BAG3: variants seen among roughly 807,000 people sequenced by gnomAD.
The protein encoded by BAG3 is BAG family molecular chaperone regulator 3.
In BAG3, 14 loss-of-function variants were observed where a neutral mutation model predicts 40.5. The observed-to-expected ratio is 0.35, with a 90% CI of 0.23 to 0.54. The LOEUF is 0.54. Ranked by LOEUF, BAG3 falls within the 20% of genes least tolerant of loss-of-function variation. The pLI is 0.91. For missense variants in BAG3, 788 were observed against 758.6 expected, an observed-to-expected ratio of 1.04 and a Z score of -0.46; for synonymous variants, 302 against 307.8, an observed-to-expected ratio of 0.98 and a Z score of 0.20.
intron 1 of BAG3, among the ~76,000 whole-genome samples, chr10:119,666,575 A>C (rs1231029897): frequency 6.6e-6 from 1 of 152,040 alleles, no homozygotes; most frequent in Non-Finnish European, 1.5e-5. Flanking sequence ...CGAGGTGCTC[A>C]GCGAGATGCA....
chr10:119,659,186 G>A (rs578101875), intron 1 of BAG3, among the ~76,000 whole-genome samples: 1 of 152,246 alleles, frequency 6.6e-6, no homozygotes, highest in Non-Finnish European at 1.5e-5. Context: ...CCTTGACCCA[G>A]CTGCCAGACC....
At chr10:119,674,468 G>C (rs1446699771) in intron 3 of BAG3, among the ~76,000 whole-genome samples, 1 of 152,150 alleles carries the variant, frequency 6.6e-6, no homozygotes, top group African/African-American at 2.4e-5. Flanking sequence ...AACCGTGTTT[G>C]TGGTGACCTC....
intron 1 of BAG3, among the ~76,000 whole-genome samples, chr10:119,664,870 A>G (rs1303696373): frequency 1.3e-5 from 2 of 152,156 alleles, no homozygotes; most frequent in South Asian, 2.1e-4. Context: ...TGAAAACACC[A>G]TAGAAGAGAG....
chr10:119,664,692 C>T (rs1847035065), intron 1 of BAG3, among the ~76,000 whole-genome samples: 1 of 152,174 alleles, frequency 6.6e-6, no homozygotes, highest in African/African-American at 2.4e-5. Flanking sequence ...TAAGCCTTAT[C>T]TGAGAGATGC....
In BAG3 at chr10:119,672,779, C is replaced by A; in HGVS notation, c.909+123C>A. Reference sequence around the variant, plus strand: ...TATTTAACATGCGTGTACCTACAGGCAAGTGAGATTCGAGAAATTGCTAGG... The same window carrying A: ...TATTTAACATGCGTGTACCTACAGGAAAGTGAGATTCGAGAAATTGCTAGG... On this transcript the variant is annotated intron_variant, in intron 3 of 3. Transcript: ENST00000369085. The surrounding 1 kb of genome is among the most constrained non-coding windows in gnomAD (Gnocchi z 4.8). The A allele has an allele frequency of 7.2e-7, 1 of 1,394,410 alleles. No homozygotes were observed. Among genetic ancestry groups the A allele is most frequent in the Non-Finnish European group, 9.9e-7 (1 of 1,009,828 alleles). The allele number at this position is 1,394,410 out of a possible 1,614,324, so 86.4% of individuals were successfully genotyped here.
chr10:119,676,988 G>A lies in BAG3; in HGVS notation c.1434G>A (p.Gln478=). 1 of 1,614,210 alleles carries A rather than the reference G, an allele frequency of 6.2e-7. No homozygotes were observed. The highest frequency in any genetic ancestry group is 8.5e-7 in the Non-Finnish European group (1 of 1,180,040). The change falls in exon 4 of 4, where the codon CAG becomes CAA. Residue 478 remains glutamine, a synonymous_variant. Transcript: ENST00000369085. The part of the protein sequence containing the change: ...VDPEGRADVR[Q]ARRDGVRKVQ... The stretch of plus-strand genomic sequence containing the variant: ...CCGAGGGACGAGCCGATGTGCGTCA[G>A]GCCAGGAGAGACGGTGTCAGGAAGG...
At chr10:119,667,990 G>A (rs1847089725) in intron 1 of BAG3, among the ~76,000 whole-genome samples, 1 of 152,248 alleles carries the variant, frequency 6.6e-6, no homozygotes, top group Non-Finnish European at 1.5e-5. Flanking sequence ...CTGGCTCCCT[G>A]TCAGGGCCAT....
At chr10:119,665,389 C>T (rs1479878291) in intron 1 of BAG3, among the ~76,000 whole-genome samples, 1 of 151,936 alleles carries the variant, frequency 6.6e-6, no homozygotes. Context: ...ATCCACCCAC[C>T]TCAGCCTGCC....
chr10:119,658,409 G>A (rs141956722), intron 1 of BAG3, among the ~76,000 whole-genome samples: 6 of 152,324 alleles, frequency 3.9e-5, no homozygotes, highest in African/African-American at 1.2e-4. Flanking sequence ...GGGCTGTGGT[G>A]ACTCAGAATT....
At chr10:119,666,489 C>T (rs1282473399) in intron 1 of BAG3, among the ~76,000 whole-genome samples, 1 of 152,006 alleles carries the variant, frequency 6.6e-6, no homozygotes, top group Non-Finnish European at 1.5e-5. Context: ...AGTTGTTTTT[C>T]CTTCCTCCCT....
intron 2 of BAG3, among the ~76,000 whole-genome samples, chr10:119,670,454 C>T (rs914655829): frequency 3.2e-4 from 49 of 152,260 alleles, no homozygotes; most frequent in Admixed American, 3.0e-3. Flanking sequence ...CACACTGCAG[C>T]CTGCCTGCTC....
chr10:119,669,412 G>T lies in BAG3; in HGVS notation c.181-439G>T, dbSNP rs139607272. On this transcript the variant is annotated intron_variant, in intron 1 of 3. Coordinates refer to ENST00000369085, the MANE Select transcript of BAG3 (RefSeq NM_004281.4). ...TTGGGCCCAGTACAAGCTCTATATT[G>T]CTGGGAAATGTGAGGGCCTTTTTGG... is the stretch of plus-strand genomic sequence containing the variant. Among the ~76,000 whole-genome samples, 719 of 152,202 alleles carry T rather than the reference G, an allele frequency of 4.7e-3. 8 individuals carry two copies. Among genetic ancestry groups the T allele is most frequent in the African/African-American group, 0.016 (676 of 41,530 alleles).
At chr10:119,661,727 T>G (rs538749816) in intron 1 of BAG3, among the ~76,000 whole-genome samples, 2 of 152,264 alleles carry the variant, frequency 1.3e-5, no homozygotes, top group Admixed American at 6.5e-5. Flanking sequence ...CACACACCTC[T>G]TGTCTTACCA....
intron 1 of BAG3, among the ~76,000 whole-genome samples, chr10:119,653,392 T>C (rs1021753473): frequency 7.2e-5 from 11 of 152,192 alleles, no homozygotes; most frequent in African/African-American, 2.7e-4. Flanking sequence ...TGAAGCCTTC[T>C]TCCTGTAGAC....
At chr10:119,670,219 C>T (rs767868085) in intron 2 of BAG3, 42 bp downstream of exon 2, 21 of 1,574,428 alleles carry the variant, frequency 1.3e-5, no homozygotes, top group East Asian at 1.1e-4. Flanking sequence ...GGGAGCAAGC[C>T]GCTGTGCTTC....
intron 1 of BAG3, among the ~76,000 whole-genome samples, chr10:119,665,571 G>A (rs534509930): frequency 1.8e-4 from 27 of 152,118 alleles, no homozygotes; most frequent in African/African-American, 6.5e-4. Flanking sequence ...GAGCCACCAC[G>A]CCTGGCCCAG....
chr10:119,676,428 A>C (rs1340546618), intron 3 of BAG3, 36 bp from the exon 4 acceptor site: 2 of 1,603,844 alleles, frequency 1.2e-6, no homozygotes, highest in East Asian at 2.2e-5. Flanking sequence ...ACTTTCAGTC[A>C]GTTATTAAAA....
intron 1 of BAG3, among the ~76,000 whole-genome samples, chr10:119,662,970 G>A (rs2577339): frequency 0.35 from 52,811 of 152,024 alleles, 9,359 homozygotes; most frequent in Middle Eastern, 0.41. Flanking sequence ...AGCCGAGATC[G>A]CGCCACTGCA....
intron 1 of BAG3, among the ~76,000 whole-genome samples, chr10:119,660,920 C>T (rs767437865): frequency 2.0e-5 from 3 of 151,672 alleles, no homozygotes; most frequent in Admixed American, 2.0e-4. Flanking sequence ...ATGGTGAAAC[C>T]CCATCTTTAC....
Sources: gnomAD v4.1 joint callset for allele counts (sites outside exome capture counted in the v4.1 genomes callset) on GRCh38, gnomAD v4.1.1 for gene constraint, Gnocchi (gnomAD v3.1) non-coding constraint, MANE v1.5 for transcripts, NCBI Gene and HGNC (gene_info 2026-07-23, HGNC 2026-07-21) for gene names.